Variants in MOSPD3 observed in about 807,000 individuals in gnomAD.
MOSPD3 encodes motile sperm domain containing 3.
In MOSPD3, 20 loss-of-function variants were observed where a neutral mutation model predicts 23.3. The ratio of observed to expected loss-of-function variants is 0.86; its 90% CI spans 0.61 to 1.25. The LOEUF (loss-of-function observed/expected upper bound fraction) is 1.25. Ranked by LOEUF, MOSPD3 falls within the 50% of genes most tolerant of loss-of-function variation. The probability of loss-of-function intolerance (pLI) is 0.00; values close to 1 mark genes in which losing one functional copy is unlikely to be tolerated. For missense variants in MOSPD3, 307 were observed against 315.7 expected, an observed-to-expected ratio of 0.97 and a Z score of 0.21; for synonymous variants, 136 against 135.2, an observed-to-expected ratio of 1.01 and a Z score of -0.04.
Position 100,613,080 on chromosome 7 carries a change from C to A in MOSPD3, c.205+84C>A. 3 of 1,582,284 alleles carry A rather than the reference C, an allele frequency of 1.9e-6. 1 individual carries two copies. Among genetic ancestry groups the A allele is most frequent in the South Asian group, 2.2e-5 (2 of 90,306 alleles). On this transcript the variant is annotated intron_variant, in intron 1 of 4. Transcript: ENST00000393950. ...TGGAGGAGTCAGATGGGTAGGGTTG[C>A]ACGTCCAGCTTTGGTGGACTGGGAA... is the stretch of plus-strand genomic sequence containing the variant.
chr7:100,613,517 G>A lies in MOSPD3; in HGVS notation c.322G>A (p.Val108Ile). 3 of 1,614,206 alleles carry A rather than the reference G, an allele frequency of 1.9e-6. No homozygotes were observed. Among genetic ancestry groups the A allele is most frequent in the Non-Finnish European group, 2.5e-6 (3 of 1,180,042 alleles). ...HVAPIPSHYD[V>I]QDRFRIELSE... ...GGCACCCATTCCCAGCCACTATGAT[G>A]TCCAGGACCGCTTCCGCATTGAGCT... is the stretch of plus-strand genomic sequence containing the variant. The change falls in exon 3 of 5, where the codon GTC becomes ATC. Residue 108 changes from valine (V) to isoleucine (I), a missense_variant. Coordinates refer to ENST00000393950, the MANE Select transcript of MOSPD3 (RefSeq NM_023948.5).
At chr7:100,612,527 T>C (rs1802853775), upstream of MOSPD3, 1 of 382,282 alleles carries the variant, frequency 2.6e-6, no homozygotes, top group Admixed American at 4.3e-5. Context: ...GGGCCGGGTT[T>C]AGCGGGGTGG....
chr7:100,613,854 C>A, intron 3 of MOSPD3, 148 bp downstream of exon 3: 1 of 748,318 alleles, frequency 1.3e-6, no homozygotes, highest in Non-Finnish European at 2.1e-6. Flanking sequence ...GATTTTATAT[C>A]AGGTGAGGGG....
rs536739905 is a variant in MOSPD3, at chr7:100,615,257, CCT to C, written c.*75_*76del. 0.023 allele frequency: 28,373 copies of C among 1,235,238 alleles called. 367 individuals are homozygous for C. Among genetic ancestry groups the C allele is most frequent in the Non-Finnish European group, 0.024 (21,851 of 901,562 alleles). The allele number at this position is 1,235,238 out of a possible 1,614,324, so 76.5% of individuals were successfully genotyped here. A position where few individuals can be genotyped will look rare whatever the true frequency, so the allele number is the denominator to read the frequency against. ...TGAGGCAGCCACTGTGATGCTCATA[CCT>C]TACCTTGCCTCCTACCCTCTTCTCT... is the stretch of plus-strand genomic sequence containing the variant. On this transcript the variant is annotated 3_prime_UTR_variant, in exon 5 of 5. Transcript: ENST00000393950.
At chr7:100,614,668 G>A (rs1465027986) in intron 3 of MOSPD3, among the ~76,000 whole-genome samples, 199 bp from the exon 4 acceptor site, 1 of 151,918 alleles carries the variant, frequency 6.6e-6, no homozygotes, top group Non-Finnish European at 1.5e-5. Flanking sequence ...CAGCTACTTA[G>A]GAAGCTAAGG....
chr7:100,614,745 C>CA, intron 3 of MOSPD3, 122 bp from the exon 4 acceptor site: 2 of 1,166,454 alleles, frequency 1.7e-6, no homozygotes, highest in Non-Finnish European at 2.4e-6. Flanking sequence ...TCCATCTCTA[C>CA]AAAAAATAAA....
In MOSPD3 at chr7:100,612,560, C is replaced by T. The variant is rs1020784079; in HGVS notation, c.-232C>T. 9 of 436,750 alleles carry T rather than the reference C, an allele frequency of 2.1e-5. No homozygotes were observed. The highest frequency in any genetic ancestry group is 1.2e-4 in the African/African-American group (6 of 48,428). 27.1% of individuals were successfully genotyped at this position (436,750 alleles called of 1,614,324 possible). A position where few individuals can be genotyped will look rare whatever the true frequency, so the allele number is the denominator to read the frequency against. On this transcript the variant is annotated 5_prime_UTR_variant, in exon 1 of 5. Transcript: ENST00000393950. The stretch of plus-strand genomic sequence containing the variant: ...TGGGCGTGGCCGTCGAGGTGGGGCT[C>T]GGCGGGTCCGAAGGAACCTGGGGCA...
In MOSPD3 at chr7:100,612,558, C is replaced by T. The variant is rs1350050499; in HGVS notation, c.-234C>T. The T allele has an allele frequency of 4.6e-6, 2 of 432,764 alleles. No individual in the cohort carries two copies. The highest frequency in any genetic ancestry group is 4.0e-5 in the Admixed American group (1 of 24,976). The allele number at this position is 432,764 out of a possible 1,614,324, so 26.8% of individuals were successfully genotyped here. A position where few individuals can be genotyped will look rare whatever the true frequency, so the allele number is the denominator to read the frequency against. On this transcript the variant is annotated 5_prime_UTR_variant, in exon 1 of 5. Coordinates refer to ENST00000393950, the MANE Select transcript of MOSPD3 (RefSeq NM_023948.5). Reference sequence around the variant, plus strand: ...GGTGGGCGTGGCCGTCGAGGTGGGGCTCGGCGGGTCCGAAGGAACCTGGGG... The same window carrying T: ...GGTGGGCGTGGCCGTCGAGGTGGGGTTCGGCGGGTCCGAAGGAACCTGGGG...
At chr7:100,612,434 G>A, upstream of MOSPD3, 1 of 172,034 alleles carries the variant, frequency 5.8e-6, no homozygotes, top group Non-Finnish European at 1.2e-5. Context: ...GGAACGCCCG[G>A]AAGGGGCGAG....
chr7:100,613,259 T>TG lies in MOSPD3; in HGVS notation c.272dup (p.Cys91TrpfsTer3). 6.2e-7 allele frequency: 1 copy of TG among 1,613,946 alleles called. No individual in the cohort carries two copies. The highest frequency in any genetic ancestry group is 8.5e-7 in the Non-Finnish European group (1 of 1,179,952). On this transcript the variant is annotated frameshift_variant, in exon 2 of 5. Transcript: ENST00000393950. LOFTEE classifies it high-confidence loss of function. ...AGAGGGATATGTGAAGCCCCAGTCT[T>TG]GCATTGACATGTGAGTGAGCTGGGA...
chr7:100,614,395 G>C (rs538777002), intron 3 of MOSPD3, among the ~76,000 whole-genome samples: 5 of 151,978 alleles, frequency 3.3e-5, no homozygotes, highest in Non-Finnish European at 5.9e-5. Context: ...GAACCTAGGA[G>C]GCAGAGGCTG....
rs745525974 is a variant in MOSPD3 at position 100,615,018 on chromosome 7, C to T, written c.663C>T (p.Ala221=). 38 of 1,614,034 alleles carry T rather than the reference C, an allele frequency of 2.4e-5. No homozygotes were observed. In the African/African-American group the frequency reaches 3.9e-4, roughly 16 times the overall value. ...LHVSLGQKLV[A]AYVLGLLTMV... ...TCTCCCTGGGACAAAAGTTGGTGGCCGCCTACGTCTTGGGTGAGGACAGTA... is the reference window on the plus strand; with the variant it reads ...TCTCCCTGGGACAAAAGTTGGTGGCTGCCTACGTCTTGGGTGAGGACAGTA... Residue 221 remains alanine (A), a synonymous_variant, in exon 4 of 5, where the codon GCC becomes GCT. Coordinates refer to ENST00000393950, the MANE Select transcript of MOSPD3 (RefSeq NM_023948.5).
At chr7:100,613,763 C>T in intron 3 of MOSPD3, 57 bp downstream of exon 3, 1 of 1,445,868 alleles carries the variant, frequency 6.9e-7, no homozygotes, top group South Asian at 1.1e-5. Context: ...TAGCATTTCC[C>T]TAGAGATGAG....
chr7:100,612,467 T>C (rs1802851210), upstream of MOSPD3: 1 of 218,768 alleles, frequency 4.6e-6, no homozygotes, highest in African/African-American at 2.3e-5. Context: ...GCGGGGCTTA[T>C]GGAGATCGTG....
At position 100,612,902 on chromosome 7, in the gene MOSPD3, T is replaced by C; in HGVS notation, c.111T>C (p.Phe37=). 6.2e-7 allele frequency: 1 copy of C among 1,610,050 alleles called. No individual in the cohort carries two copies. Among genetic ancestry groups the C allele is most frequent in the Non-Finnish European group, 8.5e-7 (1 of 1,179,264 alleles). Residue 37 remains phenylalanine, a synonymous_variant, in exon 1 of 5, where the codon TTT becomes TTC. Transcript: ENST00000393950. ...GACCCGTTGTCCCGGTCCTGGTCTT[T>C]CCCCCGGATCTAGTATTCAGGGCGG... ...PLGPVVPVLV[F]PPDLVFRADQ... is the part of the protein sequence containing the mutation.
In MOSPD3 at chr7:100,613,241, T is replaced by C; in HGVS notation, c.253T>C (p.Tyr85His). The C allele has an allele frequency of 6.2e-7, 1 of 1,613,992 alleles. No individual in the cohort carries two copies. ...AKYTVFDAEG[Y>H]VKPQSCIDIV... ...ATACACGGTGTTTGACGCAGAGGGATATGTGAAGCCCCAGTCTTGCATTGA... is the reference window on the plus strand; with the variant it reads ...ATACACGGTGTTTGACGCAGAGGGACATGTGAAGCCCCAGTCTTGCATTGA... The change falls in exon 2 of 5, where the codon TAT becomes CAT. Residue 85 changes from tyrosine (Y) to histidine (H), a missense_variant. Tyr to His is a moderately conservative substitution (Grantham distance 83). Coordinates refer to ENST00000393950, the MANE Select transcript of MOSPD3 (RefSeq NM_023948.5).
At chr7:100,614,758 A>G in intron 3 of MOSPD3, 109 bp from the exon 4 acceptor site, 1 of 1,245,528 alleles carries the variant, frequency 8.0e-7, no homozygotes. Context: ...AAAATAAAAG[A>G]TAATTAAAAA....
Position 100,613,542 on chromosome 7 carries a change from T to A in MOSPD3, c.347T>A (p.Leu116Gln). 2 of 1,614,198 alleles carry A rather than the reference T, an allele frequency of 1.2e-6. No individual in the cohort carries two copies. Among genetic ancestry groups the A allele is most frequent in the Non-Finnish European group, 1.7e-6 (2 of 1,180,026 alleles). ...GTCCAGGACCGCTTCCGCATTGAGC[T>A]GTCTGAGGAAGGAGCTGAGGGCCGA... ...YDVQDRFRIE[L>Q]SEEGAEGRVV... is the part of the protein sequence containing the mutation. Residue 116 changes from leucine to glutamine, a missense_variant, in exon 3 of 5, where the codon CTG becomes CAG. Physicochemically the swap from Leu to Gln is moderately radical, Grantham distance 113 (BLOSUM62 -2). Coordinates refer to ENST00000393950, the MANE Select transcript of MOSPD3 (RefSeq NM_023948.5).
chr7:100,613,738 T>TAGGG, intron 3 of MOSPD3, 32 bp downstream of exon 3: 1 of 1,572,036 alleles, frequency 6.4e-7, no homozygotes, highest in Non-Finnish European at 8.7e-7. Flanking sequence ...TTGAGTTCTG[T>TAGGG]AGGGAGGGAG....
Sources: gnomAD v4.1 joint callset for allele counts (sites outside exome capture counted in the v4.1 genomes callset) on GRCh38, gnomAD v4.1.1 for gene constraint, MANE v1.5 for transcripts, NCBI Gene and HGNC (gene_info 2026-07-23, HGNC 2026-07-21) for gene names.